TCTN1: variants seen among roughly 807,000 people sequenced by gnomAD.
The protein encoded by TCTN1 is tectonic family member 1, also known as tectonic-1.
TCTN1 carries 58 observed loss-of-function variants against 65.8 expected under a neutral mutation model. The ratio of observed to expected loss-of-function variants is 0.88; its 90% CI spans 0.71 to 1.10. The LOEUF is 1.10. Ranked by LOEUF, TCTN1 falls within the 50% of genes least tolerant of loss-of-function variation. The pLI is 0.00. For synonymous variants in TCTN1, 273 were observed against 289.1 expected (o/e 0.94, Z 0.57); for missense variants, 645 against 719.4 (o/e 0.90, Z 1.18).
chr12:110,645,579 G>A (rs561237963), intron 12 of TCTN1: 19 of 227,168 alleles, frequency 8.4e-5, no homozygotes, highest in South Asian at 3.1e-4. Context: ...ACTGACTTCC[G>A]TGCATGTGGC....
chr12:110,636,466 T>G lies in TCTN1; in HGVS notation c.823-15T>G. On this transcript the variant is annotated splice_polypyrimidine_tract_variant and intron_variant, in intron 6 of 14. Transcript: ENST00000397659. ...TTGTACTTAACACAATTTTTTGTGG[T>G]TTCTTTTTATCTAGGTACCTGATTC... 7.3e-7 allele frequency: 1 copy of G among 1,369,548 alleles called. No homozygotes were observed. The highest frequency in any genetic ancestry group is 1.0e-6 in the Non-Finnish European group (1 of 969,124). 84.8% of individuals were successfully genotyped at this position (1,369,548 alleles called of 1,614,324 possible).
rs1446193170 is a variant in TCTN1, at chr12:110,644,594, C to T, written c.1332-373C>T. The T allele has an allele frequency of 2.3e-5, 7 of 305,388 alleles. No homozygotes were observed. Among genetic ancestry groups the T allele is most frequent in the Non-Finnish European group, 4.4e-5 (7 of 158,080 alleles). The allele number at this position is 305,388 out of a possible 1,614,324, so 18.9% of individuals were successfully genotyped here. A position where few individuals can be genotyped will look rare whatever the true frequency, so the allele number is the denominator to read the frequency against. On this transcript the variant is annotated intron_variant, in intron 11 of 14. Coordinates refer to ENST00000397659, the MANE Select transcript of TCTN1 (RefSeq NM_001082538.3). The surrounding 1 kb of genome is among the most constrained non-coding windows in gnomAD (Gnocchi z 4.6). ...TCAGGAGGCTGAGGCAGGAGAATCA[C>T]TTGAACCTGGGAGGCGGTGGTTGCA...
rs377230085 is a variant in TCTN1 at position 110,636,475 on chromosome 12, A to G, written c.823-6A>G. 1.1e-4 allele frequency: 155 copies of G among 1,375,748 alleles called. No homozygotes were observed. Among genetic ancestry groups the G allele is most frequent in the Non-Finnish European group, 1.5e-4 (143 of 974,782 alleles). The allele number at this position is 1,375,748 out of a possible 1,614,324, so 85.2% of individuals were successfully genotyped here. On this transcript the variant is annotated splice_region_variant and splice_polypyrimidine_tract_variant and intron_variant, in intron 6 of 14. Coordinates refer to ENST00000397659, the MANE Select transcript of TCTN1 (RefSeq NM_001082538.3). Reference sequence around the variant, plus strand: ...ACACAATTTTTTGTGGTTTCTTTTTATCTAGGTACCTGATTCAAGAAAAAA... The same window carrying G: ...ACACAATTTTTTGTGGTTTCTTTTTGTCTAGGTACCTGATTCAAGAAAAAA...
rs1375864147 is a variant in TCTN1 at position 110,643,150 on chromosome 12, A to C, written c.1331+761A>C. ...ACTCCTGGGCTCAAGCAGTCCTCCC[A>C]TCTCAGCCTCCTAAAGTGCTGGGAT... On this transcript the variant is annotated intron_variant, in intron 11 of 14. Coordinates refer to ENST00000397659, the MANE Select transcript of TCTN1 (RefSeq NM_001082538.3). Among the ~76,000 whole-genome samples, 4 of 148,912 alleles carry C rather than the reference A, an allele frequency of 2.7e-5. No homozygotes were observed. The Admixed American group carries it at 2.7e-4, about 10-fold the overall frequency.
intron 3 of TCTN1, among the ~76,000 whole-genome samples, 199 bp downstream of exon 3, chr12:110,626,691 T>C (rs950588091): frequency 1.3e-5 from 2 of 151,602 alleles, no homozygotes; most frequent in Admixed American, 1.3e-4. Context: ...GTGATTCTCC[T>C]GCCTCAGCCT....
At chr12:110,647,548 A>AAATT in intron 13 of TCTN1, 1 of 1,023,326 alleles carries the variant, frequency 9.8e-7, no homozygotes, top group Non-Finnish European at 1.4e-6. Context: ...ATTCTCATGA[A>AAATT]AATTATGATA....
At position 110,619,956 on chromosome 12, in the gene TCTN1, C is replaced by T. The variant is rs768244592; in HGVS notation, c.341C>T (p.Thr114Met). The T allele has an allele frequency of 7.4e-6, 12 of 1,614,002 alleles. No individual in the cohort carries two copies. The highest frequency in any genetic ancestry group is 5.0e-5 in the Admixed American group (3 of 59,972). ...TCTGCCTGCTCAGTTCCAGTTGTCA[C>T]GTAAGTTTACGTATGACACATGCAA... ...VFSACSVPVV[T>M]GDSQFCSQKA... Residue 114 changes from threonine to methionine, a missense_variant and splice_region_variant, in exon 2 of 15, where the codon ACG becomes ATG. Physicochemically the swap from Thr to Met is moderately conservative, Grantham distance 81. Transcript: ENST00000397659.
intron 4 of TCTN1, among the ~76,000 whole-genome samples, chr12:110,631,267 C>CGCTCG (rs1389761807): frequency 7.7e-6 from 1 of 129,562 alleles, no homozygotes; most frequent in Non-Finnish European, 1.6e-5. Flanking sequence ...TCAGGTAATC[C>CGCTCG]GCTCGCCTCG....
intron 4 of TCTN1, 21 bp from the exon 5 acceptor site, chr12:110,632,451 T>A: frequency 6.2e-7 from 1 of 1,612,924 alleles, no homozygotes; most frequent in Non-Finnish European, 8.5e-7. Flanking sequence ...CCATAACGAC[T>A]GTTGGTTGTT....
chr12:110,626,311 A>T, intron 2 of TCTN1, 51 bp from the exon 3 acceptor site: 3 of 1,535,324 alleles, frequency 2.0e-6, no homozygotes, highest in South Asian at 2.4e-5. Flanking sequence ...TTTTGCTAAG[A>T]TTGTGTGCTT....
Position 110,641,111 on chromosome 12 carries a change from G to A in TCTN1, c.1066G>A (p.Val356Ile). The A allele has an allele frequency of 6.2e-7, 1 of 1,614,216 alleles. No individual in the cohort carries two copies. Among genetic ancestry groups the A allele is most frequent in the Non-Finnish European group, 8.5e-7 (1 of 1,180,046 alleles). Residue 356 changes from valine to isoleucine, a missense_variant, in exon 9 of 15, where the codon GTC becomes ATC. Coordinates refer to ENST00000397659, the MANE Select transcript of TCTN1 (RefSeq NM_001082538.3). ...TCTGGGGACAGTTAGCAGCGTAGTG[G>A]TCCCACTGCAGCAAAAGTTTGAAAT... The part of the protein sequence containing the change: ...FVLGTVSSVV[V>I]PLQQKFEIHF...
intron 6 of TCTN1, among the ~76,000 whole-genome samples, chr12:110,635,053 G>A (rs1407726542): frequency 6.6e-6 from 1 of 151,740 alleles, no homozygotes; most frequent in Non-Finnish European, 1.5e-5. Flanking sequence ...AAATCTTTAC[G>A]AATAACTAAA....
At chr12:110,614,923 G>A (rs944940292) in intron 1 of TCTN1, among the ~76,000 whole-genome samples, 2 of 152,232 alleles carry the variant, frequency 1.3e-5, no homozygotes, top group Non-Finnish European at 2.9e-5. Context: ...GGAGTCATAT[G>A]TAGGGATAAT....
chr12:110,641,740 G>A, intron 10 of TCTN1, 113 bp downstream of exon 10: 1 of 1,131,442 alleles, frequency 8.8e-7, no homozygotes, highest in Non-Finnish European at 1.3e-6. Flanking sequence ...GGAGAGAGCA[G>A]TCCAGGCCGA....
rs1311691543 is a variant in TCTN1 at position 110,626,404 on chromosome 12, A to G, written c.384A>G (p.Ser128=). ...QFCSQKAVIY[S]LNFTANPPQR... ...GTAGTCAAAAAGCAGTCATCTATTC[A>G]TTGAATTTTACAGCAAACCCACCTC... Residue 128 remains serine, a synonymous_variant, in exon 3 of 15, where the codon TCA becomes TCG. Coordinates refer to ENST00000397659, the MANE Select transcript of TCTN1 (RefSeq NM_001082538.3). 2.5e-6 allele frequency: 4 copies of G among 1,604,404 alleles called. No individual in the cohort carries two copies. Among genetic ancestry groups the G allele is most frequent in the Non-Finnish European group, 3.4e-6 (4 of 1,173,842 alleles).
chr12:110,632,332 G>A (rs2136044219), intron 4 of TCTN1, 140 bp from the exon 5 acceptor site: 1 of 806,516 alleles, frequency 1.2e-6, no homozygotes, highest in Non-Finnish European at 2.2e-6. Flanking sequence ...AGCTTCTTGA[G>A]GGCAAGGACC....
chr12:110,616,135 C>T (rs901556052), intron 1 of TCTN1: 1 of 244,946 alleles, frequency 4.1e-6, no homozygotes, highest in East Asian at 1.0e-4. Flanking sequence ...GTAAGTACTC[C>T]ATCTGTTAAT....
chr12:110,617,295 C>A (rs544689778), intron 1 of TCTN1, among the ~76,000 whole-genome samples: 1 of 151,932 alleles, frequency 6.6e-6, no homozygotes, highest in Non-Finnish European at 1.5e-5. Flanking sequence ...CCTTCCCCTT[C>A]ACCTCACACA....
chr12:110,641,140 T>C lies in TCTN1; in HGVS notation c.1095T>C (p.His365=), dbSNP rs767963074. The change falls in exon 9 of 15, where the codon CAT becomes CAC. Residue 365 remains histidine, a synonymous_variant. Coordinates refer to ENST00000397659, the MANE Select transcript of TCTN1 (RefSeq NM_001082538.3). ...CACTGCAGCAAAAGTTTGAAATTCATTTTCTTCAGGTAAGGTTGATCAATT... is the reference window on the plus strand; with the variant it reads ...CACTGCAGCAAAAGTTTGAAATTCACTTTCTTCAGGTAAGGTTGATCAATT... ...VVPLQQKFEI[H]FLQENTQPVP... is the part of the protein sequence containing the mutation. The C allele has an allele frequency of 1.9e-5, 31 of 1,614,142 alleles. No individual in the cohort carries two copies. Among genetic ancestry groups the C allele is most frequent in the Non-Finnish European group, 2.5e-5 (29 of 1,180,058 alleles).
Sources: gnomAD v4.1 joint callset for allele counts (sites outside exome capture counted in the v4.1 genomes callset) on GRCh38, gnomAD v4.1.1 for gene constraint, Gnocchi (gnomAD v3.1) non-coding constraint, MANE v1.5 for transcripts, NCBI Gene and HGNC (gene_info 2026-07-23, HGNC 2026-07-21) for gene names.